Variants in TMC2 observed in about 807,000 individuals in gnomAD.
The protein encoded by TMC2 is transmembrane channel-like protein 2.
A neutral mutation model predicts 105.9 loss-of-function variants in TMC2; 102 were observed. The ratio of observed to expected loss-of-function variants is 0.96; its 90% CI spans 0.82 to 1.14. The LOEUF is 1.14. Ranked by LOEUF, TMC2 falls within the 50% of genes most tolerant of loss-of-function variation. TMC2 has a pLI of 0.00. For synonymous variants in TMC2, 402 were observed against 422.8 expected (o/e 0.95, Z 0.60); for missense variants, 1,093 against 1,134.3 (o/e 0.96, Z 0.52).
At chr20:2,549,545 C>T (rs13043632) in intron 2 of TMC2, among the ~76,000 whole-genome samples, 11 of 152,104 alleles carry the variant, frequency 7.2e-5, no homozygotes, top group African/African-American at 2.2e-4. Flanking sequence ...GAGTTTGAGA[C>T]CAGCCTGGCC....
Position 2,548,934 on chromosome 20 carries a change from G to A in TMC2, c.83-9522G>A, listed in dbSNP as rs950379071. 8.5e-5 allele frequency among the ~76,000 whole-genome samples: 13 copies of A among 152,112 alleles called. 1 individual carries two copies. The highest frequency in any genetic ancestry group is 3.8e-4 in the East Asian group (2 of 5,204). ...CAACATACTCAAGTAGAATAAAAAC[G>A]TAAGCTAGTCTTTTACTTAATGCTG... On this transcript the variant is annotated intron_variant, in intron 2 of 19. Coordinates refer to ENST00000358864, the MANE Select transcript of TMC2 (RefSeq NM_080751.3).
At chr20:2,537,444 G>A (rs1404671550) in intron 2 of TMC2, 128 bp downstream of exon 2, 7 of 810,598 alleles carry the variant, frequency 8.6e-6, no homozygotes, top group Non-Finnish European at 1.4e-5. Flanking sequence ...ACCCTGCATG[G>A]AGCCTTCCTG....
In TMC2 at chr20:2,643,220, C is replaced by T. The variant is rs765547883; in HGVS notation, c.*1869C>T. ...CCAAAACTGCCTGTGTGTCATATGC[C>T]TTCCCCCAAGCTAACCTACCTGAAA... On this transcript the variant is annotated 3_prime_UTR_variant, in exon 20 of 20. Coordinates refer to ENST00000358864, the MANE Select transcript of TMC2 (RefSeq NM_080751.3). Among the ~76,000 whole-genome samples, 21 of 152,160 alleles carry T rather than the reference C, an allele frequency of 1.4e-4. No homozygotes were observed. The highest frequency in any genetic ancestry group is 2.4e-4 in the Non-Finnish European group (16 of 68,030).
At chr20:2,617,003 C>A in intron 15 of TMC2, 69 bp from the exon 16 acceptor site, 1 of 1,596,332 alleles carries the variant, frequency 6.3e-7, no homozygotes. Context: ...CGTCCCATTT[C>A]CTTCTATCAC....
In TMC2 at chr20:2,537,300, C is replaced by T. The variant is rs545151967; in HGVS notation, c.66C>T (p.Ser22=). ...ARGGVKGRVK[S]GSPHTGDRLG... ...GCGGAGTGAAAGGGCGGGTGAAGAG[C>T]GGCTCTCCACACACAGGTGAGATGG... is the stretch of plus-strand genomic sequence containing the variant. The change falls in exon 2 of 20, where the codon AGC becomes AGT. Residue 22 remains serine (S), a synonymous_variant. Transcript: ENST00000358864. 24 of 1,602,748 alleles carry T rather than the reference C, an allele frequency of 1.5e-5. No individual in the cohort carries two copies. Among genetic ancestry groups the T allele is most frequent in the South Asian group, 1.1e-4 (10 of 88,784 alleles).
chr20:2,577,030 C>G (rs1239346557), intron 5 of TMC2, among the ~76,000 whole-genome samples: 1 of 151,566 alleles, frequency 6.6e-6, no homozygotes, highest in Non-Finnish European at 1.5e-5. Flanking sequence ...GCCTCAGCCT[C>G]CTGAATAGCT....
At chr20:2,632,975 G>T (rs1306734475) in intron 17 of TMC2, among the ~76,000 whole-genome samples, 1 of 69,858 alleles carries the variant, frequency 1.4e-5, no homozygotes, top group Non-Finnish European at 3.0e-5. Context: ...CCCTTCCATG[G>T]GTTTGTTGTT....
intron 17 of TMC2, 107 bp downstream of exon 17, chr20:2,624,503 GA>G: frequency 7.7e-7 from 1 of 1,292,358 alleles, no homozygotes; most frequent in Non-Finnish European, 1.1e-6. Flanking sequence ...GCACTCCCCA[GA>G]AGCAGAATCC....
chr20:2,619,587 T>C (rs1468590398), intron 16 of TMC2, among the ~76,000 whole-genome samples: 1 of 152,148 alleles, frequency 6.6e-6, no homozygotes, highest in African/African-American at 2.4e-5. Context: ...AGGCCTGTGA[T>C]GGTTGGAGCC....
chr20:2,542,949 A>T (rs1374033518), intron 2 of TMC2, among the ~76,000 whole-genome samples: 2 of 152,114 alleles, frequency 1.3e-5, no homozygotes, highest in Admixed American at 1.3e-4. Context: ...TTAAAACAAA[A>T]TACAAGGCCA....
Position 2,624,302 on chromosome 20 carries a change from GA to G in TMC2, c.2213del (p.Glu738GlyfsTer23). 6.2e-7 allele frequency: 1 copy of G among 1,614,166 alleles called. No individual in the cohort carries two copies. The highest frequency in any genetic ancestry group is 8.5e-7 in the Non-Finnish European group (1 of 1,180,020). ...GKNRMYDVLQ[E>X]TIENDFPTFL... Reference sequence around the variant, plus strand: ...AAACAGAATGTACGATGTCCTCCAAGAGACCATTGAAAACGATTTCCCAACC... The same window carrying G: ...AAACAGAATGTACGATGTCCTCCAAGGACCATTGAAAACGATTTCCCAACC... On this transcript the variant is annotated frameshift_variant, in exon 17 of 20. Transcript: ENST00000358864. LOFTEE classifies it high-confidence loss of function.
chr20:2,557,246 G>A (rs2085990472), intron 2 of TMC2, among the ~76,000 whole-genome samples: 1 of 152,126 alleles, frequency 6.6e-6, no homozygotes, highest in African/African-American at 2.4e-5. Context: ...CCCACAGTTT[G>A]GGGATATTTT....
At chr20:2,573,721 C>T (rs572897031) in intron 5 of TMC2, among the ~76,000 whole-genome samples, 7 of 146,970 alleles carry the variant, frequency 4.8e-5, no homozygotes, top group South Asian at 2.1e-4. Flanking sequence ...CCACCACGCC[C>T]GGCTAATTTT....
chr20:2,588,023 T>C (rs1409547240), intron 7 of TMC2, among the ~76,000 whole-genome samples: 1 of 133,224 alleles, frequency 7.5e-6, no homozygotes, highest in Non-Finnish European at 1.6e-5. Context: ...CCCCCCCCCC[T>C]TTGAGTATGG....
chr20:2,636,459 TACACACACACACACACACACACACACAC>T (rs3051763), intron 18 of TMC2, among the ~76,000 whole-genome samples: 1 of 143,418 alleles, frequency 7.0e-6, no homozygotes, highest in Non-Finnish European at 1.5e-5. Context: ...GACTGCTGTC[TACACACACACACACACACACACACACAC>T]ACACACGCAC....
Position 2,572,241 on chromosome 20 carries a change from T to C in TMC2, c.617T>C (p.Leu206Pro), listed in dbSNP as rs1402416892. Reference protein sequence around the residue: ...GALGKGKGKQLYAYKMLMAKK... With the variant: ...GALGKGKGKQPYAYKMLMAKK... ...TTGGGAAAGGGGAAAGGCAAGCAAC[T>C]ATATGCCTACAAGATGCTGATGGCC... Residue 206 changes from leucine to proline, a missense_variant, in exon 5 of 20, where the codon CTA (leucine) becomes CCA (proline). Transcript: ENST00000358864. 1.9e-6 allele frequency: 3 copies of C among 1,613,360 alleles called. No individual in the cohort carries two copies. The highest frequency in any genetic ancestry group is 2.5e-6 in the Non-Finnish European group (3 of 1,179,684).
Position 2,612,233 on chromosome 20 carries a change from CTGTTT to C in TMC2, c.1637_1641del (p.Leu546GlnfsTer35). 6.2e-7 allele frequency: 1 copy of C among 1,612,012 alleles called. No homozygotes were observed. The highest frequency in any genetic ancestry group is 1.1e-5 in the South Asian group (1 of 90,332). On this transcript the variant is annotated frameshift_variant, in exon 13 of 20. Coordinates refer to ENST00000358864, the MANE Select transcript of TMC2 (RefSeq NM_080751.3). LOFTEE classifies it high-confidence loss of function. ...AATAAAGAACATCACTCACTGGACT[CTGTTT>C]AACTATTACAACTCTTCTGGTTGGA...
chr20:2,606,217 A>T (rs181157221), intron 11 of TMC2, among the ~76,000 whole-genome samples: 7 of 152,234 alleles, frequency 4.6e-5, no homozygotes, highest in Middle Eastern at 3.4e-3. Context: ...ACATCCTGGT[A>T]TTGGTCATTC....
At chr20:2,639,046 C>T (rs564678125) in intron 19 of TMC2, among the ~76,000 whole-genome samples, 3 of 152,220 alleles carry the variant, frequency 2.0e-5, no homozygotes, top group Admixed American at 6.5e-5. Context: ...CAGGTGCCCA[C>T]CACCATGCCT....
Sources: gnomAD v4.1 joint callset for allele counts (sites outside exome capture counted in the v4.1 genomes callset) on GRCh38, gnomAD v4.1.1 for gene constraint, MANE v1.5 for transcripts, NCBI Gene and HGNC (gene_info 2026-07-23, HGNC 2026-07-21) for gene names.